ITPKB: variants seen among roughly 807,000 people sequenced by gnomAD.
The protein encoded by ITPKB is IP3 3-kinase B.
In ITPKB, 13 loss-of-function variants were observed where a neutral mutation model predicts 69.4. The observed-to-expected ratio is 0.19, with a 90% CI of 0.12 to 0.30. The LOEUF (loss-of-function observed/expected upper bound fraction) is 0.30, where lower values mean the gene tolerates loss of function less well. Among genes scored for constraint, ITPKB ranks in the 10% least tolerant of loss-of-function variants. The pLI is 1.00. For missense variants in ITPKB, 1,240 were observed against 1,250.5 expected (o/e 0.99, Z 0.13); for synonymous variants, 584 against 513.7 (o/e 1.14, Z -1.85).
chr1:226,668,194 T>C (rs1171168447), intron 2 of ITPKB, among the ~76,000 whole-genome samples: 5 of 152,244 alleles, frequency 3.3e-5, no homozygotes, highest in Non-Finnish European at 7.3e-5. Context: ...TCTTGACTTT[T>C]AATAATATAT....
chr1:226,722,866 AG>A (rs66460824), intron 2 of ITPKB, among the ~76,000 whole-genome samples: 59,213 of 151,884 alleles, frequency 0.39, 11,746 homozygotes, highest in Middle Eastern at 0.42. Flanking sequence ...GGGCTAGAAA[AG>A]GTTTGAATAG....
rs759258462 is a variant in ITPKB at position 226,736,114 on chromosome 1, T to C, written c.1345A>G (p.Thr449Ala). 12 of 1,599,486 alleles carry C rather than the reference T, an allele frequency of 7.5e-6. No individual in the cohort carries two copies. The highest frequency in any genetic ancestry group is 3.4e-5 in the Admixed American group (2 of 59,170). ...LSDRVEGGSP[T>A]LGLLGGSPSA... ...GGGCTGCCCCCAAGCAAGCCCAGCG[T>C]TGGGGACCCTCCCTCCACTCTGTCG... The change falls in exon 2 of 8, where the codon ACG becomes GCG. Residue 449 changes from threonine (T) to alanine (A), a missense_variant. By Grantham distance (58) the Thr-to-Ala change is moderately conservative. Around this residue, in one of 2 missense-constraint regions of ITPKB, gnomAD observed 992 missense variants for 853.8 expected, o/e 1.16. Coordinates refer to ENST00000429204, the MANE Select transcript of ITPKB (RefSeq NM_002221.4).
chr1:226,723,865 T>A (rs1188817164), intron 2 of ITPKB, among the ~76,000 whole-genome samples: 2 of 152,022 alleles, frequency 1.3e-5, no homozygotes, highest in East Asian at 3.9e-4. Flanking sequence ...CAATCCCTAG[T>A]AACAAAGTGA....
At chr1:226,703,957 T>C (rs1435893620) in intron 2 of ITPKB, among the ~76,000 whole-genome samples, 2 of 151,958 alleles carry the variant, frequency 1.3e-5, no homozygotes, top group Non-Finnish European at 2.9e-5. Context: ...GTTCAAGAGC[T>C]AATAAAAAAA....
At chr1:226,683,311 A>G (rs1408739299) in intron 2 of ITPKB, among the ~76,000 whole-genome samples, 3 of 152,050 alleles carry the variant, frequency 2.0e-5, no homozygotes, top group African/African-American at 7.2e-5. Context: ...TTCTCCCCTA[A>G]CACCTGTAGA....
At chr1:226,704,058 C>G (rs1016080533) in intron 2 of ITPKB, among the ~76,000 whole-genome samples, 2 of 152,154 alleles carry the variant, frequency 1.3e-5, no homozygotes, top group Non-Finnish European at 2.9e-5. Flanking sequence ...CCGCCCAAGG[C>G]TTTTATTTTC....
chr1:226,696,451 A>G (rs1235149568), intron 2 of ITPKB, among the ~76,000 whole-genome samples: 1 of 152,084 alleles, frequency 6.6e-6, no homozygotes, highest in Non-Finnish European at 1.5e-5. Flanking sequence ...TTATTTTACT[A>G]TCTTGGACAC....
chr1:226,658,658 G>A (rs74139746), intron 2 of ITPKB, among the ~76,000 whole-genome samples: 2 of 152,048 alleles, frequency 1.3e-5, no homozygotes, highest in African/African-American at 4.8e-5. Context: ...GTCTCCACCC[G>A]CCGTGTGATG....
At chr1:226,722,943 C>T (rs1228427315) in intron 2 of ITPKB, among the ~76,000 whole-genome samples, 1 of 152,056 alleles carries the variant, frequency 6.6e-6, no homozygotes, top group East Asian at 1.9e-4. Flanking sequence ...GCTCCCCCTG[C>T]CCCCCACCCA....
chr1:226,639,690 G>C lies in ITPKB; in HGVS notation c.2452-32C>G, dbSNP rs766867095. On this transcript the variant is annotated intron_variant, in intron 5 of 7. Transcript: ENST00000429204. ...AAGAGAACACCCCACCCAGGAGGGG[G>C]TCAGCAGGGACCCTCGGGCAGAAAC... 60 of 1,418,352 alleles carry C rather than the reference G, an allele frequency of 4.2e-5. No homozygotes were observed. The Admixed American group carries it at 9.4e-4, about 22-fold the overall frequency. 87.9% of individuals were successfully genotyped at this position (1,418,352 alleles called of 1,614,324 possible).
chr1:226,652,287 A>G (rs1669210266), intron 2 of ITPKB, among the ~76,000 whole-genome samples: 1 of 152,130 alleles, frequency 6.6e-6, no homozygotes, highest in African/African-American at 2.4e-5. Context: ...GGTCGGGGAG[A>G]CCACAGCATC....
At chr1:226,679,566 C>T (rs939766457) in intron 2 of ITPKB, among the ~76,000 whole-genome samples, 6 of 152,130 alleles carry the variant, frequency 3.9e-5, no homozygotes, top group Admixed American at 3.3e-4. Flanking sequence ...TAACCTAAGT[C>T]GATATTCTAC....
Position 226,723,579 on chromosome 1 carries a change from G to A in ITPKB, c.1932+11948C>T, listed in dbSNP as rs143177246. 1.9e-3 allele frequency among the ~76,000 whole-genome samples: 290 copies of A among 152,076 alleles called. 3 individuals are homozygous for A. Among genetic ancestry groups the A allele is most frequent in the African/African-American group, 6.7e-3 (276 of 41,478 alleles). On this transcript the variant is annotated intron_variant, in intron 2 of 7. Transcript: ENST00000429204. ...TACACACACACGTGTGTGTGGGTGT[G>A]TGTGTATAGAGAGATATATATGTAT... is the stretch of plus-strand genomic sequence containing the variant.
intron 2 of ITPKB, among the ~76,000 whole-genome samples, chr1:226,670,174 G>A (rs1669586385): frequency 3.6e-5 from 1 of 27,428 alleles, no homozygotes; most frequent in Admixed American, 5.8e-4. Context: ...AAGCTCCGCC[G>A]CAAAAAAAAA....
Position 226,720,764 on chromosome 1 carries a change from G to A in ITPKB, c.1932+14763C>T, listed in dbSNP as rs796245387. On this transcript the variant is annotated intron_variant, in intron 2 of 7. Transcript: ENST00000429204. The stretch of plus-strand genomic sequence containing the variant: ...GTGAATTTCAAAAGAAATATTGGCC[G>A]GGCGCGGCCGGGCGTGGTGGCTCAT... 1.4e-4 allele frequency among the ~76,000 whole-genome samples: 22 copies of A among 152,120 alleles called. 1 individual carries two copies. Among genetic ancestry groups the A allele is most frequent in the African/African-American group, 4.8e-4 (20 of 41,456 alleles).
intron 2 of ITPKB, among the ~76,000 whole-genome samples, chr1:226,654,366 C>G (rs1669248373): frequency 6.6e-6 from 1 of 152,210 alleles, no homozygotes; most frequent in African/African-American, 2.4e-5. Flanking sequence ...GCTCCCGATT[C>G]TGCTCCCCAC....
rs1021596011 is a variant in ITPKB, at chr1:226,689,569, T to TTTTG, written c.1933-40799_1933-40798insCAAA. Among the ~76,000 whole-genome samples the TTTTG allele has an allele frequency of 2.1e-3, 297 of 138,562 alleles. 2 individuals are homozygous for TTTTG. The highest frequency in any genetic ancestry group is 0.02 in the East Asian group (94 of 4,672). 90.9% of individuals were successfully genotyped at this position (138,562 alleles called of 152,430 possible). On this transcript the variant is annotated intron_variant, in intron 2 of 7. Transcript: ENST00000429204. Reference sequence around the variant, plus strand: ...TTTTTCCTTTGTCGGAAGGTTTTATTTGTGTGTGTGTGTGTGTGTGTGTGT... The same window carrying TTTTG: ...TTTTTCCTTTGTCGGAAGGTTTTATTTTTGTGTGTGTGTGTGTGTGTGTGTGTGT...
chr1:226,736,152 C>T lies in ITPKB; in HGVS notation c.1307G>A (p.Arg436His). 28 of 1,561,270 alleles carry T rather than the reference C, an allele frequency of 1.8e-5. No homozygotes were observed. The highest frequency in any genetic ancestry group is 2.3e-5 in the Non-Finnish European group (26 of 1,153,348). Residue 436 changes from arginine (R) to histidine (H), a missense_variant, in exon 2 of 8, where the codon CGT becomes CAT. Physicochemically the swap from Arg to His is conservative, Grantham distance 29. Around this residue, in one of 2 missense-constraint regions of ITPKB, gnomAD observed 992 missense variants for 853.8 expected, o/e 1.16. Transcript: ENST00000429204. ...CTCCACTCTGTCGGAGAGCTGCCAA[C>T]GCCCCCCGCCCACGGGGGCCCCACT... ...ARSGAPVGGG[R>H]WQLSDRVEGG...
At chr1:226,652,025 T>C (rs1249110148) in intron 2 of ITPKB, among the ~76,000 whole-genome samples, 2 of 152,242 alleles carry the variant, frequency 1.3e-5, no homozygotes, top group Non-Finnish European at 2.9e-5. Context: ...GCCATGCACT[T>C]GCACTGGAGA....
Sources: gnomAD v4.1 joint callset for allele counts (sites outside exome capture counted in the v4.1 genomes callset) on GRCh38, gnomAD v4.1.1 for gene constraint, gnomAD v4.1.1 regional missense constraint, MANE v1.5 for transcripts, NCBI Gene and HGNC (gene_info 2026-07-23, HGNC 2026-07-21) for gene names.